AFDN: variants seen among roughly 807,000 people sequenced by gnomAD.
AFDN encodes the protein afadin, adherens junction formation factor.
In AFDN, 68 loss-of-function variants were observed where a neutral mutation model predicts 216.6. The ratio of observed to expected loss-of-function variants is 0.31; its 90% CI spans 0.26 to 0.38. The LOEUF (loss-of-function observed/expected upper bound fraction) is 0.38. Ranked by LOEUF, AFDN falls within the 10% of genes least tolerant of loss-of-function variation. AFDN has a pLI of 1.00. For synonymous variants in AFDN, 868 were observed against 853.7 expected (o/e 1.02, Z -0.29); for missense variants, 2,136 against 2,342.0 (o/e 0.91, Z 1.82).
At chr6:167,968,105 A>T (rs1338447343) in intron 32 of AFDN, among the ~76,000 whole-genome samples, 41 of 152,236 alleles carry the variant, frequency 2.7e-4, no homozygotes. Flanking sequence ...TTACCAGTGG[A>T]AGAAGCCAGT....
chr6:167,894,293 T>C (rs1787966363), intron 9 of AFDN, among the ~76,000 whole-genome samples: 2 of 152,156 alleles, frequency 1.3e-5, no homozygotes, highest in South Asian at 4.1e-4. Flanking sequence ...GCAGTGCCGT[T>C]ACTGTCTGTT....
At chr6:167,892,782 T>TA (rs943809159) in intron 8 of AFDN, among the ~76,000 whole-genome samples, 3 of 152,230 alleles carry the variant, frequency 2.0e-5, no homozygotes, top group African/African-American at 7.2e-5. Context: ...CTTTCATACT[T>TA]ATAGTCTCTC....
chr6:167,842,732 G>A (rs1476014112), intron 1 of AFDN, among the ~76,000 whole-genome samples: 1 of 152,154 alleles, frequency 6.6e-6, no homozygotes, highest in African/African-American at 2.4e-5. Flanking sequence ...TCTAGGTGAA[G>A]TAATCTAGGT....
At chr6:167,887,699 C>G (rs540047058) in intron 6 of AFDN, among the ~76,000 whole-genome samples, 139 of 152,294 alleles carry the variant, frequency 9.1e-4, no homozygotes, top group South Asian at 7.1e-3. Context: ...CTCAGGCAGT[C>G]CACCTGCCTT....
chr6:167,965,938 G>T lies in AFDN; in HGVS notation c.5150G>T (p.Arg1717Leu). The T allele has an allele frequency of 6.5e-7, 1 of 1,544,750 alleles. No homozygotes were observed. The highest frequency in any genetic ancestry group is 8.7e-7 in the Non-Finnish European group (1 of 1,143,846). The change falls in exon 32 of 34, where the codon CGA (arginine) becomes CTA (leucine). Residue 1717 changes from arginine (R) to leucine (L), a missense_variant. Around this residue, in one of 8 missense-constraint regions of AFDN, gnomAD observed 981 missense variants for 966.0 expected, o/e 1.02. Coordinates refer to ENST00000683244, the MANE Select transcript of AFDN (RefSeq NM_001386888.1). ...APGAPPPPPQ[R>L]NASYLKTQVL... ...GGCGCCCCTCCTCCCCCGCCTCAGC[G>T]AAACGCCTCCTACCTCAAAACACAG...
chr6:167,831,974 G>A (rs1779877760), intron 1 of AFDN, among the ~76,000 whole-genome samples: 1 of 152,154 alleles, frequency 6.6e-6, no homozygotes, highest in African/African-American at 2.4e-5. Flanking sequence ...GTATATGCAG[G>A]TAGCAGTTAT....
Position 167,898,363 on chromosome 6 carries a change from G to A in AFDN, c.1476G>A (p.Gly492=), listed in dbSNP as rs1012034222. Residue 492 remains glycine (G), a synonymous_variant, in exon 11 of 34, where the codon GGG becomes GGA. Coordinates refer to ENST00000683244, the MANE Select transcript of AFDN (RefSeq NM_001386888.1). ...MLQSGMKVQF[G]ASHVFKFVDP... is the part of the protein sequence containing the mutation. ...AGAGTGGCATGAAAGTGCAGTTTGGGGCGTCCCATGTATTTAAGTTTGTGG... is the reference window on the plus strand; with the variant it reads ...AGAGTGGCATGAAAGTGCAGTTTGGAGCGTCCCATGTATTTAAGTTTGTGG... 1.2e-6 allele frequency: 2 copies of A among 1,614,028 alleles called. No individual in the cohort carries two copies. The highest frequency in any genetic ancestry group is 1.3e-5 in the African/African-American group (1 of 74,904).
chr6:167,892,874 A>G (rs1379041158), intron 8 of AFDN, among the ~76,000 whole-genome samples: 1 of 152,164 alleles, frequency 6.6e-6, no homozygotes, highest in African/African-American at 2.4e-5. Flanking sequence ...AATATTGGCA[A>G]CAGCATTTGT....
intron 12 of AFDN, among the ~76,000 whole-genome samples, chr6:167,906,308 A>T (rs1000073971): frequency 8.5e-5 from 13 of 152,226 alleles, no homozygotes; most frequent in Non-Finnish European, 1.9e-4. Context: ...TGATATTGTA[A>T]GATGTTTGTA....
In AFDN at chr6:167,922,922, A is replaced by T; in HGVS notation, c.2975A>T (p.Asp992Val). The part of the protein sequence containing the change: ...GTWTIYFEGA[D>V]YESHLLRENT... ...TGGACAATATATTTTGAAGGTGCAG[A>T]TTATGAAAGTCACCTTCTGCGTGAG... Residue 992 changes from aspartate (D) to valine (V), a missense_variant, in exon 22 of 34, where the codon GAT becomes GTT. By Grantham distance (152) the Asp-to-Val change is radical. This residue lies in a region of AFDN where 162 missense variants were observed against 182.6 expected (regional missense o/e 0.89). Coordinates refer to ENST00000683244, the MANE Select transcript of AFDN (RefSeq NM_001386888.1). The T allele has an allele frequency of 6.2e-7, 1 of 1,613,300 alleles. No homozygotes were observed. Among genetic ancestry groups the T allele is most frequent in the Non-Finnish European group, 8.5e-7 (1 of 1,179,660 alleles).
intron 6 of AFDN, among the ~76,000 whole-genome samples, chr6:167,880,887 T>A (rs963281069): frequency 6.6e-6 from 1 of 152,184 alleles, no homozygotes; most frequent in Non-Finnish European, 1.5e-5. Flanking sequence ...AAGTCTAAAA[T>A]TATGTAAAGT....
At chr6:167,862,253 G>A (rs1243840412) in intron 1 of AFDN, among the ~76,000 whole-genome samples, 4 of 152,328 alleles carry the variant, frequency 2.6e-5, no homozygotes, top group African/African-American at 4.8e-5. Flanking sequence ...GAGACAGTGC[G>A]TAGGACGTGG....
chr6:167,863,145 G>A (rs1383386328), intron 1 of AFDN, among the ~76,000 whole-genome samples: 1 of 152,186 alleles, frequency 6.6e-6, no homozygotes, highest in African/African-American at 2.4e-5. Flanking sequence ...AATGTTTTGA[G>A]CGCCAACATG....
intron 1 of AFDN, among the ~76,000 whole-genome samples, chr6:167,840,415 C>T (rs139753424): frequency 1.6e-4 from 24 of 151,898 alleles, no homozygotes; most frequent in South Asian, 2.1e-4. Flanking sequence ...GTGACAGATA[C>T]GGTTTCTGAG....
At position 167,923,917 on chromosome 6, in the gene AFDN, G is replaced by T. The variant is rs550672655; in HGVS notation, c.3012+958G>T. Among the ~76,000 whole-genome samples, 20 of 151,934 alleles carry T rather than the reference G, an allele frequency of 1.3e-4. No homozygotes were observed. The South Asian group carries it at 3.5e-3, about 27-fold the overall frequency. On this transcript the variant is annotated intron_variant, in intron 22 of 33. Coordinates refer to ENST00000683244, the MANE Select transcript of AFDN (RefSeq NM_001386888.1). ...TGGGATTACAGGCATGAGCCACCTC[G>T]CCCGGCCCCTAATACTTTTTATTGA...
intron 23 of AFDN, among the ~76,000 whole-genome samples, chr6:167,933,423 T>G (rs974958391): frequency 3.3e-4 from 51 of 152,246 alleles, no homozygotes; most frequent in African/African-American, 1.2e-3. Context: ...GCATAAACTG[T>G]AATTTAGTCC....
rs1269659778 is a variant in AFDN, at chr6:167,951,861, C to G, written c.4507C>G (p.Gln1503Glu). 2 of 1,613,956 alleles carry G rather than the reference C, an allele frequency of 1.2e-6. No homozygotes were observed. Among genetic ancestry groups the G allele is most frequent in the Admixed American group, 1.7e-5 (1 of 59,966 alleles). The change falls in exon 30 of 34, where the codon CAG (glutamine) becomes GAG (glutamate). Residue 1503 changes from glutamine (Q) to glutamate (E), a missense_variant. This residue lies in a region of AFDN where 981 missense variants were observed against 966.0 expected (regional missense o/e 1.02). Transcript: ENST00000683244. The surrounding 1 kb of genome is among the most constrained non-coding windows in gnomAD (Gnocchi z 7.1). ...CCGCACGATCGAGCGCAGAGACTTG[C>G]AGTACATTACAGTCAGCAAAGAGGA... ...QPRTIERRDLQYITVSKEELS... is the reference protein window; with the variant it reads ...QPRTIERRDLEYITVSKEELS...
chr6:167,935,603 A>G (rs1793896719), intron 23 of AFDN, among the ~76,000 whole-genome samples: 1 of 152,224 alleles, frequency 6.6e-6, no homozygotes, highest in African/African-American at 2.4e-5. Flanking sequence ...TTGTTAAATG[A>G]GGAATGAGTA....
chr6:167,874,751 G>A (rs550423823), intron 4 of AFDN, among the ~76,000 whole-genome samples: 1 of 151,918 alleles, frequency 6.6e-6, no homozygotes, highest in African/African-American at 2.4e-5. Context: ...AAGTAACTGG[G>A]ATTACAGGCA....
Sources: gnomAD v4.1 joint callset for allele counts (sites outside exome capture counted in the v4.1 genomes callset) on GRCh38, gnomAD v4.1.1 for gene constraint, gnomAD v4.1.1 regional missense constraint, Gnocchi (gnomAD v3.1) non-coding constraint, MANE v1.5 for transcripts, NCBI Gene and HGNC (gene_info 2026-07-23, HGNC 2026-07-21) for gene names.